The following NRXN1 variants were observed in gnomAD, a reference collection of about 807,000 sequenced individuals.
NRXN1 encodes neurexin-1.
Under a neutral mutation model 150.9 loss-of-function variants are expected in NRXN1, and 39 were observed. That is an observed-to-expected ratio of 0.26 (90% CI 0.20 to 0.34). The LOEUF (loss-of-function observed/expected upper bound fraction) is 0.34, where lower values mean the gene tolerates loss of function less well. NRXN1 is among the 10% of genes least tolerant of loss of function. The pLI, the probability that NRXN1 is intolerant of heterozygous loss-of-function variation, is 1.00. For missense variants in NRXN1, 1,815 were observed against 1,949.9 expected, an observed-to-expected ratio of 0.93 and a Z score of 1.30; for synonymous variants, 924 against 757.0, an observed-to-expected ratio of 1.22 and a Z score of -3.62.
At chr2:50,339,358 C>T (rs1299890955) in intron 17 of NRXN1, among the ~76,000 whole-genome samples, 1 of 152,078 alleles carries the variant, frequency 6.6e-6, no homozygotes, top group Non-Finnish European at 1.5e-5. Flanking sequence ...ATGTAGGTCA[C>T]ATTATGCAAT....
chr2:50,438,833 G>GA (rs2085675095), intron 17 of NRXN1, among the ~76,000 whole-genome samples: 1 of 152,128 alleles, frequency 6.6e-6, no homozygotes, highest in Non-Finnish European at 1.5e-5. Context: ...ATAACAGTAA[G>GA]GAAAAATATA....
intron 17 of NRXN1, among the ~76,000 whole-genome samples, chr2:50,443,002 G>T (rs1362894831): frequency 6.6e-6 from 1 of 152,116 alleles, no homozygotes; most frequent in Non-Finnish European, 1.5e-5. Context: ...TGCTTTCACG[G>T]GAGCCAGATT....
At chr2:50,440,294 C>G (rs2085829349) in intron 17 of NRXN1, among the ~76,000 whole-genome samples, 1 of 152,110 alleles carries the variant, frequency 6.6e-6, no homozygotes, top group South Asian at 2.1e-4. Flanking sequence ...CAAAGAGATT[C>G]TTAGAGCTGG....
At chr2:50,232,731 C>G (rs1049493659) in intron 18 of NRXN1, among the ~76,000 whole-genome samples, 1 of 151,882 alleles carries the variant, frequency 6.6e-6, no homozygotes, top group African/African-American at 2.4e-5. Flanking sequence ...TGTTCTCTGC[C>G]ATCAGAAAGT....
intron 21 of NRXN1, among the ~76,000 whole-genome samples, chr2:49,967,020 T>A (rs1677082668): frequency 6.6e-6 from 1 of 151,530 alleles, no homozygotes; most frequent in Non-Finnish European, 1.5e-5. Context: ...AAGAGGATTC[T>A]CTTAGGCAAT....
chr2:50,826,893 T>C (rs1372512068), intron 5 of NRXN1, among the ~76,000 whole-genome samples: 1 of 152,182 alleles, frequency 6.6e-6, no homozygotes, highest in Non-Finnish European at 1.5e-5. Context: ...TAGATGGCAT[T>C]AAACGCCACA....
At chr2:50,664,339 ATATT>A (rs941079304) in intron 5 of NRXN1, among the ~76,000 whole-genome samples, 9 of 151,134 alleles carry the variant, frequency 6.0e-5, no homozygotes, top group Admixed American at 5.3e-4. Flanking sequence ...ATAGCAGAAA[ATATT>A]TATCCCAAAT....
At position 50,012,016 on chromosome 2, in the gene NRXN1, A is replaced by C. The variant is rs987415356; in HGVS notation, c.4128+41255T>G. On this transcript the variant is annotated intron_variant, in intron 21 of 22. Transcript: ENST00000401669. ...AGATCACATTATGGATGTAAGGCAA[A>C]CATAATAGCCCAGGGTCAATATGGC... is the stretch of plus-strand genomic sequence containing the variant. Among the ~76,000 whole-genome samples, 3 of 152,138 alleles carry C rather than the reference A, an allele frequency of 2.0e-5. No homozygotes were observed. The South Asian group carries it at 6.2e-4, about 31-fold the overall frequency.
chr2:50,809,779 T>C (rs1321213916), intron 5 of NRXN1, among the ~76,000 whole-genome samples: 1 of 152,160 alleles, frequency 6.6e-6, no homozygotes, highest in Non-Finnish European at 1.5e-5. Context: ...TAATATTAAT[T>C]GCTAAACAAC....
At chr2:50,608,756 C>T (rs1677549929) in intron 8 of NRXN1, among the ~76,000 whole-genome samples, 1 of 152,072 alleles carries the variant, frequency 6.6e-6, no homozygotes, top group Non-Finnish European at 1.5e-5. Flanking sequence ...ATTTCAGACG[C>T]TCATATGAGA....
At chr2:50,035,026 A>T (rs1689811540) in intron 21 of NRXN1, among the ~76,000 whole-genome samples, 1 of 152,096 alleles carries the variant, frequency 6.6e-6, no homozygotes, top group Admixed American at 6.6e-5. Context: ...CTTATATTTC[A>T]TTCTTCCGTG....
chr2:49,964,367 G>A (rs998233181), intron 21 of NRXN1, among the ~76,000 whole-genome samples: 1 of 151,928 alleles, frequency 6.6e-6, no homozygotes, highest in African/African-American at 2.4e-5. Flanking sequence ...ATTACCTGAG[G>A]TCAGGAGTTC....
chr2:49,989,591 G>C (rs1233570181), intron 21 of NRXN1, among the ~76,000 whole-genome samples: 2 of 152,142 alleles, frequency 1.3e-5, no homozygotes, highest in Admixed American at 6.5e-5. Context: ...AAGATACTAA[G>C]TAAGGGCATT....
intron 19 of NRXN1, among the ~76,000 whole-genome samples, chr2:50,078,907 T>C (rs1697490768): frequency 6.6e-6 from 1 of 152,104 alleles, no homozygotes; most frequent in Non-Finnish European, 1.5e-5. Context: ...CATAAATTAC[T>C]AATTTCTACT....
intron 5 of NRXN1, among the ~76,000 whole-genome samples, chr2:50,787,655 G>A (rs1193524475): frequency 6.6e-6 from 1 of 151,272 alleles, no homozygotes; most frequent in Non-Finnish European, 1.5e-5. Flanking sequence ...AGTAATTTAA[G>A]GTGAAATAAT....
chr2:50,079,869 G>A (rs71407581), intron 19 of NRXN1, among the ~76,000 whole-genome samples: 167 of 152,020 alleles, frequency 1.1e-3, no homozygotes, highest in Non-Finnish European at 1.9e-3. Flanking sequence ...AATAATGAAC[G>A]GTAATATGGT....
chr2:50,992,123 C>A (rs914036629), intron 2 of NRXN1, among the ~76,000 whole-genome samples: 6 of 151,924 alleles, frequency 3.9e-5, no homozygotes, highest in Non-Finnish European at 8.8e-5. Context: ...GAAGAATAAA[C>A]CTGGCTGTTT....
intron 22 of NRXN1, 149 bp from the exon 23 acceptor site, chr2:49,922,400 C>A: frequency 2.4e-6 from 2 of 819,040 alleles, no homozygotes; most frequent in Non-Finnish European, 3.9e-6. Context: ...CCCTTTGCCT[C>A]ATGGTTACTA....
At chr2:50,641,830 T>G (rs1684126143) in intron 5 of NRXN1, among the ~76,000 whole-genome samples, 1 of 152,142 alleles carries the variant, frequency 6.6e-6, no homozygotes, top group African/African-American at 2.4e-5. Flanking sequence ...TTCAGAGCAC[T>G]TTTGGATGCT....
Sources: gnomAD v4.1 joint callset for allele counts (sites outside exome capture counted in the v4.1 genomes callset) on GRCh38, gnomAD v4.1.1 for gene constraint, MANE v1.5 for transcripts, NCBI Gene and HGNC (gene_info 2026-07-23, HGNC 2026-07-21) for gene names.